Variants in ADAMTS12 observed in about 807,000 individuals in gnomAD.
The protein encoded by ADAMTS12 is ADAM metallopeptidase with thrombospondin type 1 motif 12, also known as A disintegrin and metalloproteinase with thrombospondin motifs 12.
Under a neutral mutation model 167.8 loss-of-function variants are expected in ADAMTS12, and 118 were observed. The ratio of observed to expected loss-of-function variants is 0.70; its 90% CI spans 0.61 to 0.82. The LOEUF is 0.82. ADAMTS12 is among the 40% of genes least tolerant of loss of function. The pLI is 0.00. For synonymous variants in ADAMTS12, 704 were observed against 716.9 expected, an observed-to-expected ratio of 0.98 and a Z score of 0.29; for missense variants, 1,916 against 1,998.8, an observed-to-expected ratio of 0.96 and a Z score of 0.79.
At chr5:33,841,417 C>T (rs1748742082) in intron 2 of ADAMTS12, among the ~76,000 whole-genome samples, 1 of 152,224 alleles carries the variant, frequency 6.6e-6, no homozygotes. Context: ...TCTGGTTCTC[C>T]TGTGGCTTTG....
At chr5:33,756,028 A>G (rs1423752812) in intron 2 of ADAMTS12, among the ~76,000 whole-genome samples, 2 of 152,314 alleles carry the variant, frequency 1.3e-5, no homozygotes. Context: ...ATCTATATCT[A>G]TCATAGGGTC....
At chr5:33,641,240 A>G (rs1301609116) in intron 11 of ADAMTS12, among the ~76,000 whole-genome samples, 2 of 152,196 alleles carry the variant, frequency 1.3e-5, no homozygotes, top group African/African-American at 4.8e-5. Context: ...AAACAATTGA[A>G]AGTCACTTGT....
chr5:33,851,892 G>A (rs942707043), intron 2 of ADAMTS12, among the ~76,000 whole-genome samples: 1 of 152,158 alleles, frequency 6.6e-6, no homozygotes, highest in African/African-American at 2.4e-5. Flanking sequence ...GTGCACACAC[G>A]CATGTGCAAG....
At chr5:33,887,444 T>C (rs62352461) in intron 1 of ADAMTS12, among the ~76,000 whole-genome samples, 14,721 of 152,174 alleles carry the variant, frequency 0.097, 1,283 homozygotes, top group African/African-American at 0.22. Flanking sequence ...CAAGGCGGGT[T>C]GTCAATAAGG....
intron 3 of ADAMTS12, among the ~76,000 whole-genome samples, chr5:33,728,973 C>A (rs1159225220): frequency 6.6e-6 from 1 of 152,142 alleles, no homozygotes; most frequent in Non-Finnish European, 1.5e-5. Context: ...TATAAATGCA[C>A]ATACATATAT....
At chr5:33,769,358 G>A (rs1424176977) in intron 2 of ADAMTS12, among the ~76,000 whole-genome samples, 2 of 152,162 alleles carry the variant, frequency 1.3e-5, no homozygotes, top group Non-Finnish European at 2.9e-5. Context: ...AGTACAAATG[G>A]AGGGACCGTG....
At chr5:33,732,649 C>T (rs1744235527) in intron 3 of ADAMTS12, among the ~76,000 whole-genome samples, 1 of 151,976 alleles carries the variant, frequency 6.6e-6, no homozygotes, top group African/African-American at 2.4e-5. Context: ...CCAATGCTGG[C>T]AAAAGTAGAA....
At chr5:33,685,584 A>T (rs553780593) in intron 3 of ADAMTS12, among the ~76,000 whole-genome samples, 1 of 152,372 alleles carries the variant, frequency 6.6e-6, no homozygotes, top group South Asian at 2.1e-4. Context: ...AAACATCATC[A>T]TAGGTCTAAA....
In ADAMTS12 at chr5:33,664,779, C is replaced by T. The variant is rs1425271670; in HGVS notation, c.916-2739G>A. On this transcript the variant is annotated intron_variant, in intron 5 of 23. Transcript: ENST00000504830. ...TAAAAAAAGAACTACCATATGATCCCAGAATCCCATGGGGTATATATCCTA... is the reference window on the plus strand; with the variant it reads ...TAAAAAAAGAACTACCATATGATCCTAGAATCCCATGGGGTATATATCCTA... Among the ~76,000 whole-genome samples the T allele has an allele frequency of 5.3e-5, 8 of 151,984 alleles. No individual in the cohort carries two copies. In the South Asian group the frequency reaches 6.2e-4, roughly 12 times the overall value.
intron 3 of ADAMTS12, among the ~76,000 whole-genome samples, chr5:33,743,777 A>G (rs891736961): frequency 6.6e-6 from 1 of 152,146 alleles, no homozygotes; most frequent in African/African-American, 2.4e-5. Context: ...ACATATATAC[A>G]TGATCTGCTT....
intron 7 of ADAMTS12, among the ~76,000 whole-genome samples, chr5:33,656,997 A>G (rs1220742529): frequency 2.6e-5 from 4 of 152,190 alleles, no homozygotes; most frequent in Non-Finnish European, 4.4e-5. Context: ...TGAGAATCCA[A>G]TAAATCACCT....
At chr5:33,678,503 G>T (rs1741999019) in intron 5 of ADAMTS12, among the ~76,000 whole-genome samples, 1 of 152,172 alleles carries the variant, frequency 6.6e-6, no homozygotes, top group African/African-American at 2.4e-5. Flanking sequence ...ATCTTACTAG[G>T]AAAGGGGGTC....
In ADAMTS12 at chr5:33,869,858, T is replaced by C. The variant is rs1406844164; in HGVS notation, c.489+11261A>G. ...CTAGGCAGGAATTTCCTAATCCTAA[T>C]ATACCTGGGGGCGCTGCAGGAGACT... On this transcript the variant is annotated intron_variant, in intron 2 of 23. Transcript: ENST00000504830. Among the ~76,000 whole-genome samples, 8 of 152,192 alleles carry C rather than the reference T, an allele frequency of 5.3e-5. No individual in the cohort carries two copies. The East Asian group carries it at 1.5e-3, about 29-fold the overall frequency.
chr5:33,634,629 A>G (rs1740106394), intron 12 of ADAMTS12, among the ~76,000 whole-genome samples: 1 of 152,144 alleles, frequency 6.6e-6, no homozygotes. Context: ...AGTCATTACC[A>G]AGAGTTTGAA....
intron 3 of ADAMTS12, among the ~76,000 whole-genome samples, chr5:33,731,020 T>A (rs1269756613): frequency 6.6e-6 from 1 of 152,134 alleles, no homozygotes; most frequent in Non-Finnish European, 1.5e-5. Flanking sequence ...CATCCGTAAA[T>A]AGGGATAGTA....
At chr5:33,553,452 A>G (rs572225782) in intron 20 of ADAMTS12, among the ~76,000 whole-genome samples, 1 of 152,246 alleles carries the variant, frequency 6.6e-6, no homozygotes, top group African/African-American at 2.4e-5. Flanking sequence ...TAGCAAAGAC[A>G]TGGAATCAAC....
chr5:33,751,073 T>G (rs1225396647), intron 3 of ADAMTS12: 1 of 411,628 alleles, frequency 2.4e-6, no homozygotes, highest in Non-Finnish European at 4.3e-6. Context: ...ATTATTTTCC[T>G]GTAGACTATT....
chr5:33,704,357 T>C (rs902450446), intron 3 of ADAMTS12, among the ~76,000 whole-genome samples: 1 of 152,240 alleles, frequency 6.6e-6, no homozygotes, highest in African/African-American at 2.4e-5. Context: ...CCTTTGAATG[T>C]ACACCCAGAA....
chr5:33,807,614 G>C (rs980914288), intron 2 of ADAMTS12, among the ~76,000 whole-genome samples: 2 of 152,160 alleles, frequency 1.3e-5, no homozygotes, highest in African/African-American at 4.8e-5. Context: ...TCATTGGTTG[G>C]CTTGATTGTT....
Sources: gnomAD v4.1 joint callset for allele counts (sites outside exome capture counted in the v4.1 genomes callset) on GRCh38, gnomAD v4.1.1 for gene constraint, MANE v1.5 for transcripts, NCBI Gene and HGNC (gene_info 2026-07-23, HGNC 2026-07-21) for gene names.